Variants in ZNF487 observed in about 807,000 individuals in gnomAD.
The protein encoded by ZNF487 is zinc finger protein 487.
ZNF487 carries 4 observed loss-of-function variants against 3.0 expected under a neutral mutation model. That is an observed-to-expected ratio of 1.35 (90% CI 0.66 to 3.08). The LOEUF is 3.08. Ranked by LOEUF, ZNF487 falls within the 30% of genes most tolerant of loss-of-function variation. The probability of loss-of-function intolerance (pLI) is 0.01; values close to 1 mark genes in which losing one functional copy is unlikely to be tolerated. For synonymous variants in ZNF487, 55 were observed against 34.6 expected, an observed-to-expected ratio of 1.59 and a Z score of -2.06; for missense variants, 146 against 98.7, an observed-to-expected ratio of 1.48 and a Z score of -2.03.
the ZNF487 span, among the ~76,000 whole-genome samples, chr10:43,494,990 A>G: frequency 6.6e-6 from 1 of 151,858 alleles, no homozygotes; most frequent in South Asian, 2.1e-4. Context: ...AGCTGTTTAC[A>G]TTATTTACAC....
chr10:43,496,832 CT>C, the ZNF487 span, among the ~76,000 whole-genome samples: 15 of 151,900 alleles, frequency 9.9e-5, no homozygotes, highest in African/African-American at 3.6e-4. Flanking sequence ...CTTTGGGGGT[CT>C]TTTTTTAAGA....
chr10:43,487,692 T>C (rs996865459), downstream of ZNF487, among the ~76,000 whole-genome samples: 1 of 151,266 alleles, frequency 6.6e-6, no homozygotes, highest in Admixed American at 6.6e-5. Flanking sequence ...CTTCAGGTGA[T>C]CCCCCAGCCT....
chr10:43,439,895 G>A (rs1042837531), intron 1 of ZNF487, among the ~76,000 whole-genome samples: 3 of 151,950 alleles, frequency 2.0e-5, no homozygotes, highest in Admixed American at 2.0e-4. Flanking sequence ...TAGAGGCTGC[G>A]GTAAGGAGGA....
the ZNF487 span, among the ~76,000 whole-genome samples, chr10:43,512,348 C>A: frequency 4.6e-5 from 7 of 152,106 alleles, no homozygotes; most frequent in Non-Finnish European, 8.8e-5. Context: ...CCTGCTCGAG[C>A]CTGATCACAT....
chr10:43,449,118 G>T (rs1564414162), intron 1 of ZNF487, among the ~76,000 whole-genome samples: 1 of 152,060 alleles, frequency 6.6e-6, no homozygotes, highest in Non-Finnish European at 1.5e-5. Flanking sequence ...GGGGGACATG[G>T]TGAAACCCTG....
rs776185207 is a variant in ZNF487 at position 43,481,818 on chromosome 10, C to T, written c.520C>T (p.Gln174Ter). 6.0e-5 allele frequency: 42 copies of T among 705,006 alleles called. No individual in the cohort carries two copies. Among genetic ancestry groups the T allele is most frequent in the Non-Finnish European group, 5.5e-5 (21 of 385,024 alleles). The allele number at this position is 705,006 out of a possible 1,614,324, so 43.7% of individuals were successfully genotyped here. A position where few individuals can be genotyped will look rare whatever the true frequency, so the allele number is the denominator to read the frequency against. The change falls in exon 4 of 4, where the codon CAA becomes TAA. Residue 174 changes from glutamine to a stop codon, truncating the protein, a stop_gained. Coordinates refer to ENST00000437590, the MANE Select transcript of ZNF487 (RefSeq NM_001355444.3). LOFTEE classifies it low-confidence loss of function (END_TRUNC). ...NEDLFRHQYIQTLKQCFEYNQ... is the reference protein window; with the variant it reads ...NEDLFRHQYI ...GGACTTATTTAGGCATCAGTATATT[C>T]AAACTCTTAAGCAGTGTTTTGAATA...
intron 1 of ZNF487, among the ~76,000 whole-genome samples, chr10:43,440,404 CCCAGCACTTTGGG>C (rs1839555486): frequency 6.6e-6 from 1 of 151,460 alleles, no homozygotes; most frequent in Admixed American, 6.6e-5. Flanking sequence ...CACCTATAAT[CCCAGCACTTTGGG>C]AGTCCGAAGT....
chr10:43,450,867 T>G lies in ZNF487; in HGVS notation c.-94+13605T>G, dbSNP rs1839982964. On this transcript the variant is annotated intron_variant, in intron 1 of 3. Transcript: ENST00000437590. ...TCCTCGTCTCTAAAGGTGATAACAC[T>G]TGCACTATGGTGATCCTACTAGTAA... Among the ~76,000 whole-genome samples, 3 of 152,180 alleles carry G rather than the reference T, an allele frequency of 2.0e-5. No homozygotes were observed. The South Asian group carries it at 6.2e-4, about 31-fold the overall frequency.
intron 1 of ZNF487, among the ~76,000 whole-genome samples, chr10:43,458,679 T>G (rs530528825): frequency 3.3e-5 from 5 of 152,252 alleles, no homozygotes; most frequent in Non-Finnish European, 7.3e-5. Flanking sequence ...TGTAGATGAC[T>G]TAGTAGAGAG....
At chr10:43,455,124 T>G (rs777805608) in intron 1 of ZNF487, among the ~76,000 whole-genome samples, 166 of 151,110 alleles carry the variant, frequency 1.1e-3, no homozygotes, top group Non-Finnish European at 1.5e-3. Flanking sequence ...TTCTCCTGCC[T>G]CAGCCTCCCG....
chr10:43,497,306 CA>C, the ZNF487 span, among the ~76,000 whole-genome samples: 1 of 152,152 alleles, frequency 6.6e-6, no homozygotes, highest in Non-Finnish European at 1.5e-5. Context: ...GATATTTTAG[CA>C]AATGTTTTTA....
rs1317319694 is a variant in ZNF487 at position 43,482,152 on chromosome 10, G to A, written c.*230G>A. On this transcript the variant is annotated 3_prime_UTR_variant, in exon 4 of 4. Coordinates refer to ENST00000437590, the MANE Select transcript of ZNF487 (RefSeq NM_001355444.3). ...CCTCATTCTACAAAGTTACAGAGGAGAGAAAACTTGACTGTAGTAGACATT... is the reference window on the plus strand; with the variant it reads ...CCTCATTCTACAAAGTTACAGAGGAAAGAAAACTTGACTGTAGTAGACATT... 1 of 553,252 alleles carries A rather than the reference G, an allele frequency of 1.8e-6. No individual in the cohort carries two copies. 34.3% of individuals were successfully genotyped at this position (553,252 alleles called of 1,614,324 possible). A position where few individuals can be genotyped will look rare whatever the true frequency, so the allele number is the denominator to read the frequency against.
chr10:43,457,480 T>C (rs1840251481), intron 1 of ZNF487, among the ~76,000 whole-genome samples: 1 of 135,684 alleles, frequency 7.4e-6, no homozygotes, highest in Non-Finnish European at 1.6e-5. Context: ...GCCTAAACCC[T>C]GGAGGTGGAG....
chr10:43,465,258 T>TC (rs1263906856), intron 1 of ZNF487, among the ~76,000 whole-genome samples: 1 of 147,154 alleles, frequency 6.8e-6, no homozygotes, highest in Non-Finnish European at 1.5e-5. Context: ...CTCACCTCCC[T>TC]CCCGGACGGG....
chr10:43,455,565 G>C (rs1029413451), intron 1 of ZNF487, among the ~76,000 whole-genome samples: 5 of 152,218 alleles, frequency 3.3e-5, no homozygotes, highest in Non-Finnish European at 7.4e-5. Context: ...ACGCAGCTCA[G>C]GGCGGGGCGA....
intron 1 of ZNF487, chr10:43,452,744 C>T (rs1465567069): frequency 6.6e-6 from 1 of 152,012 alleles, no homozygotes; most frequent in Non-Finnish European, 1.5e-5. Flanking sequence ...TACATATTCT[C>T]TCTGTGCATG....
chr10:43,440,543 A>G (rs1286251763), intron 1 of ZNF487, among the ~76,000 whole-genome samples: 1 of 152,002 alleles, frequency 6.6e-6, no homozygotes, highest in Non-Finnish European at 1.5e-5. Flanking sequence ...CTGTAGTCCC[A>G]GCTACTTGGG....
At chr10:43,500,228 T>G in the ZNF487 span, among the ~76,000 whole-genome samples, 1 of 152,022 alleles carries the variant, frequency 6.6e-6, no homozygotes, top group Admixed American at 6.6e-5. Flanking sequence ...CAGGCTGGTC[T>G]TGAACTCCTG....
At chr10:43,444,052 A>C (rs927611111) in intron 1 of ZNF487, among the ~76,000 whole-genome samples, 7 of 151,388 alleles carry the variant, frequency 4.6e-5, no homozygotes, top group Non-Finnish European at 1.0e-4. Flanking sequence ...TGGGGTTTTC[A>C]CCATGTTAGC....
Sources: gnomAD v4.1 joint callset for allele counts (sites outside exome capture counted in the v4.1 genomes callset) on GRCh38, gnomAD v4.1.1 for gene constraint, MANE v1.5 for transcripts, NCBI Gene and HGNC (gene_info 2026-07-23, HGNC 2026-07-21) for gene names.